The following HPSE2 variants were observed in gnomAD, a reference collection of about 807,000 sequenced individuals.
HPSE2 encodes the protein heparanase 2 (inactive).
Under a neutral mutation model 60.5 loss-of-function variants are expected in HPSE2, and 38 were observed. The ratio of observed to expected loss-of-function variants is 0.63; its 90% CI spans 0.48 to 0.82. The LOEUF is 0.82. Ranked by LOEUF, HPSE2 falls within the 40% of genes least tolerant of loss-of-function variation. The pLI is 0.00. For synonymous variants in HPSE2, 295 were observed against 293.2 expected (o/e 1.01, Z -0.06); for missense variants, 713 against 740.4 (o/e 0.96, Z 0.43).
In HPSE2 at chr10:98,721,660, T is replaced by C. The variant is rs1589705104; in HGVS notation, c.953A>G (p.Asp318Gly). 1 of 1,613,352 alleles carries C rather than the reference T, an allele frequency of 6.2e-7. No individual in the cohort carries two copies. The highest frequency in any genetic ancestry group is 8.5e-7 in the Non-Finnish European group (1 of 1,179,750). Residue 318 changes from aspartate to glycine, a missense_variant, in exon 5 of 12, where the codon GAT becomes GGT. Transcript: ENST00000370552. ...RPRKNVIALL[D>G]GFMKVAGSTV... is the part of the protein sequence containing the mutation. Reference sequence around the variant, plus strand: ...AAAGCTAAATAATCTGACCTACCCATCTAGGAGGGCGATGACATTCTTCCT... The same window carrying C: ...AAAGCTAAATAATCTGACCTACCCACCTAGGAGGGCGATGACATTCTTCCT...
intron 3 of HPSE2, among the ~76,000 whole-genome samples, chr10:98,826,644 G>A (rs1951554426): frequency 1.3e-5 from 2 of 152,082 alleles, no homozygotes; most frequent in South Asian, 4.1e-4. Flanking sequence ...TAGCCATCAT[G>A]CCATGAGGAA....
At chr10:98,813,452 G>A (rs1951213342) in intron 3 of HPSE2, among the ~76,000 whole-genome samples, 1 of 152,066 alleles carries the variant, frequency 6.6e-6, no homozygotes. Flanking sequence ...AAAACATTGT[G>A]AAGTTGAGGA....
intron 9 of HPSE2, among the ~76,000 whole-genome samples, chr10:98,562,571 C>T (rs541677731): frequency 1.1e-3 from 160 of 152,024 alleles, no homozygotes; most frequent in African/African-American, 3.8e-3. Context: ...AAAAATTAGC[C>T]GGGCGTGGTG....
intron 9 of HPSE2, among the ~76,000 whole-genome samples, chr10:98,562,198 G>A (rs970157547): frequency 6.6e-6 from 1 of 152,114 alleles, no homozygotes; most frequent in Non-Finnish European, 1.5e-5. Context: ...TGTAGCCTAG[G>A]AGCAATAGGT....
At chr10:98,839,658 T>C (rs1025053872) in intron 3 of HPSE2, among the ~76,000 whole-genome samples, 12 of 152,198 alleles carry the variant, frequency 7.9e-5, no homozygotes, top group Non-Finnish European at 1.2e-4. Context: ...GTTCAAATGA[T>C]TATAAAGGAA....
chr10:99,174,547 T>G (rs1847447474), intron 2 of HPSE2, among the ~76,000 whole-genome samples: 1 of 152,200 alleles, frequency 6.6e-6, no homozygotes, highest in African/African-American at 2.4e-5. Flanking sequence ...GATCAGCCAC[T>G]TCAAATCCTA....
chr10:98,563,402 G>A (rs74156639), intron 9 of HPSE2, among the ~76,000 whole-genome samples: 9,839 of 152,106 alleles, frequency 0.065, 1,044 homozygotes, highest in African/African-American at 0.22. Flanking sequence ...TGATTACTTA[G>A]GGCTGGGAGG....
intron 3 of HPSE2, among the ~76,000 whole-genome samples, chr10:98,885,265 T>C (rs1953132796): frequency 6.6e-6 from 1 of 152,168 alleles, no homozygotes; most frequent in Admixed American, 6.6e-5. Flanking sequence ...GAAACTTTAA[T>C]GGATGAAGAA....
At chr10:99,118,660 C>T (rs1476228046) in intron 3 of HPSE2, among the ~76,000 whole-genome samples, 3 of 152,126 alleles carry the variant, frequency 2.0e-5, no homozygotes, top group Non-Finnish European at 4.4e-5. Context: ...TAGCCTCTCT[C>T]ACCACTCCAT....
At chr10:98,621,984 T>C (rs968738855) in intron 7 of HPSE2, among the ~76,000 whole-genome samples, 3 of 152,208 alleles carry the variant, frequency 2.0e-5, no homozygotes, top group African/African-American at 4.8e-5. Flanking sequence ...TTAGGTCCTA[T>C]GGCCCCCCAG....
chr10:98,924,445 A>C (rs1297947247), intron 3 of HPSE2: 1 of 152,314 alleles, frequency 6.6e-6, no homozygotes, highest in African/African-American at 2.4e-5. Flanking sequence ...AACCTTAGAA[A>C]CTTATGTGAT....
intron 9 of HPSE2, among the ~76,000 whole-genome samples, chr10:98,524,279 A>T (rs1413918758): frequency 6.6e-6 from 1 of 152,224 alleles, no homozygotes; most frequent in Non-Finnish European, 1.5e-5. Context: ...CCTTGCTGTC[A>T]TATTAACATA....
chr10:98,497,195 G>C (rs11189635), intron 9 of HPSE2, among the ~76,000 whole-genome samples: 1 of 151,852 alleles, frequency 6.6e-6, no homozygotes, highest in Non-Finnish European at 1.5e-5. Context: ...ATGTCATCAA[G>C]AGGTTCTTGG....
intron 11 of HPSE2, among the ~76,000 whole-genome samples, chr10:98,459,949 G>GTAAC (rs1940214282): frequency 6.6e-6 from 1 of 152,068 alleles, no homozygotes; most frequent in Non-Finnish European, 1.5e-5. Flanking sequence ...CCTGAGGTAA[G>GTAAC]TAACTATTAA....
intron 3 of HPSE2, among the ~76,000 whole-genome samples, chr10:98,767,839 A>T (rs1356571676): frequency 6.8e-6 from 1 of 146,656 alleles, no homozygotes; most frequent in Non-Finnish European, 1.5e-5. Flanking sequence ...TACTATATAA[A>T]CATTTATATC....
Position 98,467,596 on chromosome 10 carries a change from GT to G in HPSE2, c.1614-7858del, listed in dbSNP as rs549047914. Reference sequence around the variant, plus strand: ...AGTTATCAGCTCCCTTTCCTCCAGTGTGCTTTCCTAGGGGCCACTAGAGGTC... The same window carrying G: ...AGTTATCAGCTCCCTTTCCTCCAGTGGCTTTCCTAGGGGCCACTAGAGGTC... On this transcript the variant is annotated intron_variant, in intron 11 of 11. Transcript: ENST00000370552. 1.7e-3 allele frequency among the ~76,000 whole-genome samples: 254 copies of G among 152,226 alleles called. 1 individual carries two copies. The highest frequency in any genetic ancestry group is 6.8e-3 in the Middle Eastern group (2 of 294).
chr10:98,901,066 C>A lies in HPSE2; in HGVS notation c.611-157010G>T, dbSNP rs147478833. On this transcript the variant is annotated intron_variant, in intron 3 of 11. Transcript: ENST00000370552. ...GATATGTGCAACAACATGAATGAAT[C>A]TCAGAGTTACTGTGCTGAGCAAAGA... Among the ~76,000 whole-genome samples, 27 of 152,270 alleles carry A rather than the reference C, an allele frequency of 1.8e-4. No individual in the cohort carries two copies. The East Asian group carries it at 3.7e-3, about 21-fold the overall frequency.
At chr10:98,780,761 G>C (rs1282540571) in intron 3 of HPSE2, among the ~76,000 whole-genome samples, 1 of 152,094 alleles carries the variant, frequency 6.6e-6, no homozygotes, top group African/African-American at 2.4e-5. Context: ...TCTTAAAACA[G>C]AGCAAAACTT....
At chr10:99,114,455 A>G (rs1294220999) in intron 3 of HPSE2, among the ~76,000 whole-genome samples, 3 of 152,232 alleles carry the variant, frequency 2.0e-5, no homozygotes, top group African/African-American at 7.2e-5. Flanking sequence ...TTCCTACATC[A>G]TCTTTAACAA....
Sources: allele counts gnomAD v4.1 joint callset (sites outside exome capture counted in the v4.1 genomes callset), GRCh38; gene constraint gnomAD v4.1.1; transcripts MANE v1.5; gene names NCBI Gene and HGNC (gene_info 2026-07-23, HGNC 2026-07-21).